Variants in MOB3A observed in about 807,000 individuals in gnomAD.
MOB3A encodes MOB LAK.
In MOB3A, 17 loss-of-function variants were observed where a neutral mutation model predicts 17.8. The ratio of observed to expected loss-of-function variants is 0.95; its 90% CI spans 0.65 to 1.43. The LOEUF (loss-of-function observed/expected upper bound fraction) is 1.43. Ranked by LOEUF, MOB3A falls within the 40% of genes most tolerant of loss-of-function variation. The pLI is 0.00. For missense variants in MOB3A, 333 were observed against 310.8 expected (o/e 1.07, Z -0.54); for synonymous variants, 124 against 133.2 (o/e 0.93, Z 0.48).
At chr19:2,088,948 C>T (rs1018902472) in intron 1 of MOB3A, among the ~76,000 whole-genome samples, 4 of 152,204 alleles carry the variant, frequency 2.6e-5, no homozygotes, top group Middle Eastern at 3.2e-3. Context: ...GCCAACCTCA[C>T]CACTAGTTAG....
chr19:2,073,398 G>A lies in MOB3A; in HGVS notation c.651C>T (p.His217=), dbSNP rs1262779531. The A allele has an allele frequency of 1.2e-6, 2 of 1,613,598 alleles. No individual in the cohort carries two copies. Among genetic ancestry groups the A allele is most frequent in the African/African-American group, 1.3e-5 (1 of 74,918 alleles). ...PLKEMTARMC[H] ...CACCGGGAGACCCGCGGGGCTCTCA[G>A]TGGCACATCCGGGCGGTCATTTCTT... The change falls in exon 5 of 5, where the codon CAC becomes CAT. Residue 217 remains histidine, a synonymous_variant. Transcript: ENST00000357066.
At position 2,085,534 on chromosome 19, in the gene MOB3A, C is replaced by T. The variant is rs75312183; in HGVS notation, c.-273-206G>A. On this transcript the variant is annotated intron_variant, in intron 1 of 4. Coordinates refer to ENST00000357066, the MANE Select transcript of MOB3A (RefSeq NM_130807.3). ...CCTCGGGGACCGCTGCCCCAGAGCA[C>T]GGGAGGCGCCTGAGAGACAAGCCCT... 1,238 of 152,384 alleles carry T rather than the reference C, an allele frequency of 8.1e-3. 17 individuals carry two copies. Among genetic ancestry groups the T allele is most frequent in the Middle Eastern group, 0.057 (17 of 296 alleles). The allele number at this position is 152,384 out of a possible 1,614,324, so 9.4% of individuals were successfully genotyped here. A position where few individuals can be genotyped will look rare whatever the true frequency, so the allele number is the denominator to read the frequency against.
At chr19:2,077,546 G>A (rs1403569231) in intron 3 of MOB3A, among the ~76,000 whole-genome samples, 2 of 152,154 alleles carry the variant, frequency 1.3e-5, no homozygotes, top group African/African-American at 2.4e-5. Context: ...AGGGGGTCCC[G>A]CCAACGGGGT....
intron 4 of MOB3A, among the ~76,000 whole-genome samples, chr19:2,075,829 C>A (rs1291396929): frequency 6.6e-6 from 1 of 152,018 alleles, no homozygotes; most frequent in Admixed American, 6.6e-5. Flanking sequence ...CTACAGAAGT[C>A]GGGTGGAATC....
rs1383874358 is a variant in MOB3A, at chr19:2,078,436, C to T, written c.125G>A (p.Gly42Glu). 1.9e-6 allele frequency: 3 copies of T among 1,613,810 alleles called. No homozygotes were observed. The highest frequency in any genetic ancestry group is 3.3e-5 in the Admixed American group (2 of 59,998). The change falls in exon 3 of 5, where the codon GGG becomes GAG. Residue 42 changes from glycine to glutamate, a missense_variant. Coordinates refer to ENST00000357066, the MANE Select transcript of MOB3A (RefSeq NM_130807.3). ...HKKAQASLNA[G>E]LDLRLAVQLP... The stretch of plus-strand genomic sequence containing the variant: ...CTGCACGGCCAGCCGCAGGTCCAGC[C>T]CGGCGTTCAGCGACGCCTGCGCCTT...
chr19:2,076,312 A>G (rs991968941), intron 4 of MOB3A, among the ~76,000 whole-genome samples: 2 of 151,828 alleles, frequency 1.3e-5, no homozygotes, highest in Admixed American at 1.3e-4. Flanking sequence ...CGTGCCTGTA[A>G]TCCCAGCTAC....
intron 2 of MOB3A, among the ~76,000 whole-genome samples, chr19:2,080,611 A>C (rs1012171752): frequency 2.0e-5 from 3 of 152,118 alleles, no homozygotes; most frequent in Non-Finnish European, 2.9e-5. Context: ...TCCTGACCTC[A>C]TCTGATCCGC....
chr19:2,081,983 G>A (rs1221928579), intron 2 of MOB3A, among the ~76,000 whole-genome samples: 1 of 152,188 alleles, frequency 6.6e-6, no homozygotes, highest in Admixed American at 6.5e-5. Context: ...TCACAAGGGA[G>A]CCCCTGGTGA....
At chr19:2,091,946 G>A (rs1455117069) in intron 1 of MOB3A, among the ~76,000 whole-genome samples, 8 of 150,054 alleles carry the variant, frequency 5.3e-5, no homozygotes, top group Non-Finnish European at 4.4e-5. Context: ...GCAGTGAGCC[G>A]AGATTGTGCC....
At chr19:2,080,744 G>A (rs1209941720) in intron 2 of MOB3A, among the ~76,000 whole-genome samples, 1 of 152,138 alleles carries the variant, frequency 6.6e-6, no homozygotes, top group African/African-American at 2.4e-5. Flanking sequence ...CTGGGCGAGT[G>A]TTTGGGGCTG....
At chr19:2,078,959 T>C (rs2144921039) in intron 2 of MOB3A, among the ~76,000 whole-genome samples, 1 of 152,298 alleles carries the variant, frequency 6.6e-6, no homozygotes, top group Non-Finnish European at 1.5e-5. Context: ...GAGGTCTCAC[T>C]ATGTTGCCCA....
At chr19:2,079,351 C>T (rs1338693666) in intron 2 of MOB3A, among the ~76,000 whole-genome samples, 2 of 152,370 alleles carry the variant, frequency 1.3e-5, no homozygotes, top group South Asian at 2.1e-4. Context: ...GGAAGCCACA[C>T]CGCAATGCCC....
At chr19:2,076,061 TGCAGTAAGCCAAGATG>T (rs1442543492) in intron 4 of MOB3A, among the ~76,000 whole-genome samples, 1 of 138,684 alleles carries the variant, frequency 7.2e-6, no homozygotes, top group East Asian at 2.1e-4. Flanking sequence ...AGGTGGGGGT[TGCAGTAAGCCAAGATG>T]GCGCCACTGC....
rs1430202741 is a variant in MOB3A, at chr19:2,078,480, C to T, written c.81G>A (p.Gln27=). The part of the protein sequence containing the change: ...RPKRKFEPGT[Q]RFELHKKAQA... ...GCGCCTTCTTGTGCAGCTCGAAGCG[C>T]TGGGTGCCTGGCTCAAACTTGCGCT... Residue 27 remains glutamine (Q), a synonymous_variant, in exon 3 of 5, where the codon CAG becomes CAA. Coordinates refer to ENST00000357066, the MANE Select transcript of MOB3A (RefSeq NM_130807.3). The T allele has an allele frequency of 5.6e-6, 9 of 1,610,320 alleles. No individual in the cohort carries two copies. The highest frequency in any genetic ancestry group is 1.1e-5 in the South Asian group (1 of 90,944).
At chr19:2,092,082 G>T (rs12975735) in intron 1 of MOB3A, among the ~76,000 whole-genome samples, 2 of 118,896 alleles carry the variant, frequency 1.7e-5, no homozygotes, top group African/African-American at 6.5e-5. Flanking sequence ...GGAAGGAAAG[G>T]TTTTTTTTTT....
chr19:2,088,998 C>T (rs2017584054), intron 1 of MOB3A, among the ~76,000 whole-genome samples: 1 of 152,224 alleles, frequency 6.6e-6, no homozygotes, highest in Non-Finnish European at 1.5e-5. Flanking sequence ...AAACGTGTAT[C>T]TGGCCATCCG....
chr19:2,096,108 C>G (rs561714675), intron 1 of MOB3A, 118 bp downstream of exon 1: 1 of 153,132 alleles, frequency 6.5e-6, no homozygotes, highest in Non-Finnish European at 1.5e-5. Context: ...ATCCAGCTTC[C>G]CCGCCGCCAG....
intron 3 of MOB3A, 139 bp from the exon 4 acceptor site, chr19:2,077,152 G>A (rs569341507): frequency 9.9e-6 from 7 of 708,054 alleles, no homozygotes; most frequent in African/African-American, 8.8e-5. Context: ...TGTAATCCCA[G>A]CACTTTGGGA....
intron 2 of MOB3A, among the ~76,000 whole-genome samples, chr19:2,083,780 T>C (rs950808433): frequency 2.0e-5 from 3 of 152,192 alleles, no homozygotes; most frequent in South Asian, 2.1e-4. Flanking sequence ...CCATGCCAAT[T>C]TGGGGGCTTA....
Sources: gnomAD v4.1 joint callset for allele counts (sites outside exome capture counted in the v4.1 genomes callset) on GRCh38, gnomAD v4.1.1 for gene constraint, MANE v1.5 for transcripts, NCBI Gene and HGNC (gene_info 2026-07-23, HGNC 2026-07-21) for gene names.